Variants in PGBD2 observed in about 807,000 individuals in gnomAD.
The protein encoded by PGBD2 is piggyBac transposable element-derived protein 2.
PGBD2 carries 6 observed loss-of-function variants against 8.1 expected under a neutral mutation model. The observed-to-expected ratio is 0.74, with a 90% confidence interval of 0.40 to 1.46. The LOEUF (loss-of-function observed/expected upper bound fraction) is 1.46, where lower values mean the gene tolerates loss of function less well. Ranked by LOEUF, PGBD2 falls within the 40% of genes most tolerant of loss-of-function variation. The pLI is 0.02. For synonymous variants in PGBD2, 318 were observed against 272.2 expected, an observed-to-expected ratio of 1.17 and a Z score of -1.66; for missense variants, 802 against 739.0, an observed-to-expected ratio of 1.09 and a Z score of -0.99.
the PGBD2 span, among the ~76,000 whole-genome samples, chr1:248,900,470 T>TA: frequency 1.3e-5 from 2 of 152,142 alleles, no homozygotes; most frequent in African/African-American, 4.8e-5. Flanking sequence ...ATTCATCACA[T>TA]AAACAGAACT....
At chr1:248,877,440 G>A in the PGBD2 span, among the ~76,000 whole-genome samples, 1 of 152,172 alleles carries the variant, frequency 6.6e-6, no homozygotes, top group African/African-American at 2.4e-5. Context: ...GGGACTACAA[G>A]CATGCACACA....
At chr1:248,894,469 C>T in the PGBD2 span, among the ~76,000 whole-genome samples, 1 of 152,114 alleles carries the variant, frequency 6.6e-6, no homozygotes, top group Non-Finnish European at 1.5e-5. Context: ...ACTCCGATTA[C>T]ATGCTTTTGG....
At chr1:248,899,453 C>T in the PGBD2 span, among the ~76,000 whole-genome samples, 2 of 152,092 alleles carry the variant, frequency 1.3e-5, no homozygotes, top group Admixed American at 1.3e-4. Context: ...TCACTCAAAA[C>T]CACACCACTA....
rs766244742 is a variant in PGBD2 at position 248,916,776 on chromosome 1, C to G, written c.192C>G (p.Ser64Arg). ...ATGAGGACTCAGGGGATGAAGACAGCCAGCGAGGTGCTCACCTACCTGGCA... is the reference window on the plus strand; with the variant it reads ...ATGAGGACTCAGGGGATGAAGACAGGCAGCGAGGTGCTCACCTACCTGGCA... ...FTDEDSGDED[S>R]QRGAHLPGSV... The change falls in exon 3 of 3, where the codon AGC becomes AGG. Residue 64 changes from serine (S) to arginine (R), a missense_variant. Transcript: ENST00000329291. The G allele has an allele frequency of 1.3e-5, 21 of 1,614,046 alleles. No homozygotes were observed. Among genetic ancestry groups the G allele is most frequent in the Middle Eastern group, 1.6e-4 (1 of 6,084 alleles).
the PGBD2 span, among the ~76,000 whole-genome samples, chr1:248,889,958 G>A: frequency 6.5e-5 from 9 of 138,070 alleles, no homozygotes; most frequent in South Asian, 4.5e-4. Context: ...ACGGAGTTTC[G>A]CTCTTGTTGC....
downstream of PGBD2, among the ~76,000 whole-genome samples, chr1:248,924,475 C>A (rs1026766123): frequency 1.4e-4 from 21 of 152,016 alleles, no homozygotes; most frequent in African/African-American, 4.8e-4. Flanking sequence ...GCTCTTAAGT[C>A]TTTTAGAGGC....
rs1662171088 is a variant in PGBD2, at chr1:248,917,885, C to T, written c.1301C>T (p.Thr434Ile). 6.2e-7 allele frequency: 1 copy of T among 1,614,182 alleles called. No homozygotes were observed. Among genetic ancestry groups the T allele is most frequent in the Non-Finnish European group, 8.5e-7 (1 of 1,180,032 alleles). The change falls in exon 3 of 3, where the codon ACC (threonine) becomes ATC (isoleucine). Residue 434 changes from threonine to isoleucine, a missense_variant. Physicochemically the swap from Thr to Ile is moderately conservative, Grantham distance 89. Transcript: ENST00000329291. The stretch of plus-strand genomic sequence containing the variant: ...GTGGGCATAGAGCCAGTGAGGCTGA[C>T]CAGTCGTCACTCTGGAGCAGCTAAA... ...NAVGIEPVRL[T>I]SRHSGAAKTR...
At chr1:248,875,320 A>AC in the PGBD2 span, among the ~76,000 whole-genome samples, 5,607 of 150,626 alleles carry the variant, frequency 0.037, 375 homozygotes, top group African/African-American at 0.13. Flanking sequence ...AAAAAAAAAA[A>AC]AAAAAAAAGA....
At chr1:248,902,195 G>C (rs980203493), upstream of PGBD2, among the ~76,000 whole-genome samples, 1 of 151,792 alleles carries the variant, frequency 6.6e-6, no homozygotes, top group Non-Finnish European at 1.5e-5. Flanking sequence ...CTTGAACCCA[G>C]GAGGCGAAGG....
intron 2 of PGBD2, among the ~76,000 whole-genome samples, chr1:248,915,291 C>A (rs1479283996): frequency 6.6e-6 from 1 of 152,228 alleles, no homozygotes; most frequent in African/African-American, 2.4e-5. Context: ...GAGAGTCTCC[C>A]ACTTAGCGTG....
chr1:248,912,207 T>A (rs1204157709), intron 1 of PGBD2, among the ~76,000 whole-genome samples: 2 of 152,204 alleles, frequency 1.3e-5, no homozygotes, highest in East Asian at 3.8e-4. Flanking sequence ...GAGCTCTGGA[T>A]AAACAGGGAT....
chr1:248,917,277 A>G lies in PGBD2; in HGVS notation c.693A>G (p.Ala231=). 6.2e-7 allele frequency: 1 copy of G among 1,614,204 alleles called. No homozygotes were observed. The highest frequency in any genetic ancestry group is 8.5e-7 in the Non-Finnish European group (1 of 1,180,036). ...TAATCTTCTCATACTTACATTTTGC[A>G]GATAACAACGAACTTGATGCAAGTG... ...FELIFSYLHF[A]DNNELDASDR... Residue 231 remains alanine (A), a synonymous_variant, in exon 3 of 3, where the codon GCA becomes GCG. Coordinates refer to ENST00000329291, the MANE Select transcript of PGBD2 (RefSeq NM_170725.3).
chr1:248,902,394 G>C (rs1361984989), upstream of PGBD2, among the ~76,000 whole-genome samples: 4 of 152,140 alleles, frequency 2.6e-5, no homozygotes, highest in Non-Finnish European at 5.9e-5. Context: ...TACACTGTTG[G>C]TTCAAATGTA....
chr1:248,882,847 A>G, the PGBD2 span, among the ~76,000 whole-genome samples: 1 of 152,172 alleles, frequency 6.6e-6, no homozygotes, highest in Non-Finnish European at 1.5e-5. Context: ...ACAATCCTGC[A>G]TGCAATTTTG....
In PGBD2 at chr1:248,917,792, A is replaced by T; in HGVS notation, c.1208A>T (p.Asp403Val). 6.2e-7 allele frequency: 1 copy of T among 1,614,208 alleles called. No homozygotes were observed. The highest frequency in any genetic ancestry group is 8.5e-7 in the Non-Finnish European group (1 of 1,180,032). The change falls in exon 3 of 3, where the codon GAT becomes GTT. Residue 403 changes from aspartate to valine, a missense_variant. Coordinates refer to ENST00000329291, the MANE Select transcript of PGBD2 (RefSeq NM_170725.3). The part of the protein sequence containing the change: ...MKRGSFDYKV[D>V]ESEEIIVCRW... ...AGGGGTTCATTTGATTACAAAGTCG[A>T]TGAGAGTGAGGAGATCATCGTGTGC...
the PGBD2 span, among the ~76,000 whole-genome samples, chr1:248,873,780 CTCGG>C: frequency 3.9e-5 from 6 of 152,206 alleles, no homozygotes; most frequent in African/African-American, 1.4e-4. Flanking sequence ...ACGGCCGCAA[CTCGG>C]GTGTGACGCG....
chr1:248,907,702 C>T (rs543452043), intron 1 of PGBD2, among the ~76,000 whole-genome samples: 1 of 152,356 alleles, frequency 6.6e-6, no homozygotes, highest in East Asian at 1.9e-4. Flanking sequence ...ATGTCCTGCA[C>T]AGCCCTAGAC....
chr1:248,914,761 T>G (rs1193719976), intron 2 of PGBD2, among the ~76,000 whole-genome samples: 1 of 152,164 alleles, frequency 6.6e-6, no homozygotes, highest in East Asian at 1.9e-4. Context: ...TGTTCCATGG[T>G]TCACCCCCAC....
the PGBD2 span, among the ~76,000 whole-genome samples, chr1:248,883,192 C>T: frequency 7.2e-5 from 11 of 152,132 alleles, no homozygotes; most frequent in East Asian, 1.2e-3. Context: ...GGCGGGATCT[C>T]GGCTCACCAC....
Sources: allele counts gnomAD v4.1 joint callset (sites outside exome capture counted in the v4.1 genomes callset), GRCh38; gene constraint gnomAD v4.1.1; transcripts MANE v1.5; gene names NCBI Gene and HGNC (gene_info 2026-07-23, HGNC 2026-07-21).